The following DISP1 variants were observed in gnomAD, a reference collection of about 807,000 sequenced individuals.
The protein encoded by DISP1 is protein dispatched homolog 1.
DISP1 carries 30 observed loss-of-function variants against 37.3 expected under a neutral mutation model. The ratio of observed to expected loss-of-function variants is 0.80; its 90% CI spans 0.60 to 1.09. DISP1 has a LOEUF of 1.09. Among genes scored for constraint, DISP1 ranks in the 50% least tolerant of loss-of-function variants. The probability of loss-of-function intolerance (pLI) is 0.00; values close to 1 mark genes in which losing one functional copy is unlikely to be tolerated. For missense variants in DISP1, 1,598 were observed against 1,879.5 expected, an observed-to-expected ratio of 0.85 and a Z score of 2.77; for synonymous variants, 634 against 690.2, an observed-to-expected ratio of 0.92 and a Z score of 1.28.
intron 1 of DISP1, among the ~76,000 whole-genome samples, chr1:222,886,601 C>G (rs1572427100): frequency 6.6e-6 from 1 of 152,318 alleles, no homozygotes; most frequent in Non-Finnish European, 1.5e-5. Context: ...TTTGAAGTTC[C>G]TTAACTTGCA....
chr1:222,978,978 G>C (rs1253983499), intron 3 of DISP1, among the ~76,000 whole-genome samples: 1 of 151,976 alleles, frequency 6.6e-6, no homozygotes, highest in African/African-American at 2.4e-5. Flanking sequence ...TTGTTCTTTT[G>C]GCTTAGGATT....
At chr1:222,986,052 G>C (rs183763668) in intron 4 of DISP1, among the ~76,000 whole-genome samples, 18 of 152,282 alleles carry the variant, frequency 1.2e-4, no homozygotes, top group Admixed American at 6.5e-4. Context: ...TTTTTAGGAA[G>C]AAAGAGGTAG....
intron 3 of DISP1, chr1:222,979,498 G>A: frequency 2.7e-6 from 1 of 368,236 alleles, no homozygotes; most frequent in Non-Finnish European, 5.8e-6. Context: ...TGAAAACATG[G>A]AATTGTACAC....
At position 223,003,884 on chromosome 1, in the gene DISP1, C is replaced by A; in HGVS notation, c.2487C>A (p.His829Gln). 1 of 1,614,152 alleles carries A rather than the reference C, an allele frequency of 6.2e-7. No individual in the cohort carries two copies. The highest frequency in any genetic ancestry group is 8.5e-7 in the Non-Finnish European group (1 of 1,180,038). Residue 829 changes from histidine to glutamine, a missense_variant, in exon 9 of 9, where the codon CAC (histidine) becomes CAA (glutamine). Physicochemically the swap from His to Gln is conservative, Grantham distance 24. Transcript: ENST00000675850. This position sits in a 1 kb window ranked among gnomAD's most constrained non-coding sequence, Gnocchi z 4.3. ...CAGCTTCCCAGGCCTGGATTTTGCACTTCTGTCAAAAACTGAGAAACCAAA... is the reference window on the plus strand; with the variant it reads ...CAGCTTCCCAGGCCTGGATTTTGCAATTCTGTCAAAAACTGAGAAACCAAA... Reference protein sequence around the residue: ...ASPASQAWILHFCQKLRNQTF... With the variant: ...ASPASQAWILQFCQKLRNQTF...
intron 1 of DISP1, among the ~76,000 whole-genome samples, chr1:222,848,945 G>A (rs1558291099): frequency 6.6e-6 from 1 of 152,044 alleles, no homozygotes. Context: ...GTGCTTGATT[G>A]TACCTCACCA....
At chr1:222,825,846 T>C (rs1664247753) in intron 1 of DISP1, among the ~76,000 whole-genome samples, 1 of 152,136 alleles carries the variant, frequency 6.6e-6, no homozygotes, top group Admixed American at 6.6e-5. Context: ...CCCAGCCTCC[T>C]CACCCCCTCA....
intron 2 of DISP1, among the ~76,000 whole-genome samples, chr1:222,930,949 G>T (rs962468636): frequency 1.3e-5 from 2 of 151,960 alleles, no homozygotes; most frequent in African/African-American, 4.8e-5. Flanking sequence ...GTAGACTAAA[G>T]GATACTCATA....
rs141143944 is a variant in DISP1 at position 222,935,111 on chromosome 1, A to G, written c.-18+6541A>G. Among the ~76,000 whole-genome samples, 5 of 152,254 alleles carry G rather than the reference A, an allele frequency of 3.3e-5. No individual in the cohort carries two copies. In the East Asian group the frequency reaches 9.6e-4, roughly 29 times the overall value. On this transcript the variant is annotated intron_variant, in intron 2 of 8. Coordinates refer to ENST00000675850, the MANE Select transcript of DISP1 (RefSeq NM_001377229.1). Reference sequence around the variant, plus strand: ...TGTGTTCTAGGTATCAGCAGTATGGACATGTTGTTGGAGGCTTGTTGCTCC... The same window carrying G: ...TGTGTTCTAGGTATCAGCAGTATGGGCATGTTGTTGGAGGCTTGTTGCTCC...
chr1:222,990,086 G>T (rs1211194051), intron 4 of DISP1, among the ~76,000 whole-genome samples: 2 of 152,196 alleles, frequency 1.3e-5, no homozygotes, highest in African/African-American at 2.4e-5. Flanking sequence ...ACAGGTGTGA[G>T]CCACCATGCT....
At chr1:222,850,632 CTTCT>C (rs1558292139) in intron 1 of DISP1, among the ~76,000 whole-genome samples, 3 of 152,058 alleles carry the variant, frequency 2.0e-5, no homozygotes, top group African/African-American at 7.2e-5. Flanking sequence ...CTGTTGTTTC[CTTCT>C]TTGTGTTCAT....
rs1378979703 is a variant in DISP1 at position 222,994,872 on chromosome 1, T to C, written c.890-13T>C. 6.3e-7 allele frequency: 1 copy of C among 1,582,170 alleles called. No homozygotes were observed. Among genetic ancestry groups the C allele is most frequent in the East Asian group, 2.2e-5 (1 of 44,658 alleles). ...TAAACCTTTTTCTTTCCTTTTTTTT[T>C]TCATATCACCAGGTGACCGATATTC... On this transcript the variant is annotated splice_polypyrimidine_tract_variant and intron_variant, in intron 7 of 8. Coordinates refer to ENST00000675850, the MANE Select transcript of DISP1 (RefSeq NM_001377229.1).
At chr1:222,947,821 A>T (rs1373661551) in intron 3 of DISP1, among the ~76,000 whole-genome samples, 3 of 152,174 alleles carry the variant, frequency 2.0e-5, no homozygotes, top group African/African-American at 7.2e-5. Flanking sequence ...CATCGTTTGC[A>T]TTGTGGAGAG....
intron 3 of DISP1, among the ~76,000 whole-genome samples, chr1:222,980,875 C>T (rs1320059193): frequency 6.6e-6 from 1 of 152,134 alleles, no homozygotes; most frequent in Non-Finnish European, 1.5e-5. Context: ...GTCAGGAGTT[C>T]GAGGCCAGCC....
intron 1 of DISP1, among the ~76,000 whole-genome samples, chr1:222,870,192 T>A (rs1437384224): frequency 2.0e-5 from 3 of 152,166 alleles, no homozygotes; most frequent in Non-Finnish European, 2.9e-5. Flanking sequence ...TCTATCATTG[T>A]TGGACATTTG....
At chr1:222,921,528 G>C (rs1672808610) in intron 1 of DISP1, among the ~76,000 whole-genome samples, 1 of 152,142 alleles carries the variant, frequency 6.6e-6, no homozygotes, top group Admixed American at 6.5e-5. Context: ...ACTGAGAAAA[G>C]GGTGAAAGCT....
At chr1:222,914,959 T>C (rs572347375) in intron 1 of DISP1, among the ~76,000 whole-genome samples, 1 of 152,190 alleles carries the variant, frequency 6.6e-6, no homozygotes, top group East Asian at 1.9e-4. Context: ...AGAGCAAGAC[T>C]CTGTCATTCA....
chr1:222,825,259 C>T (rs1398857457), intron 1 of DISP1, among the ~76,000 whole-genome samples: 1 of 152,058 alleles, frequency 6.6e-6, no homozygotes, highest in Admixed American at 6.6e-5. Context: ...GTGTTACTTT[C>T]CCAGAAACTG....
At chr1:222,838,725 T>C (rs1016338361) in intron 1 of DISP1, among the ~76,000 whole-genome samples, 3 of 152,220 alleles carry the variant, frequency 2.0e-5, no homozygotes, top group Non-Finnish European at 4.4e-5. Context: ...GAGCTATGAT[T>C]GTGCCACTGC....
intron 1 of DISP1, among the ~76,000 whole-genome samples, chr1:222,822,521 T>G (rs1663187355): frequency 6.6e-6 from 1 of 152,218 alleles, no homozygotes; most frequent in African/African-American, 2.4e-5. Flanking sequence ...TTCCTGTAAT[T>G]CCAACTGTTT....
Sources: gnomAD v4.1 joint callset for allele counts (sites outside exome capture counted in the v4.1 genomes callset) on GRCh38, gnomAD v4.1.1 for gene constraint, Gnocchi (gnomAD v3.1) non-coding constraint, MANE v1.5 for transcripts, NCBI Gene and HGNC (gene_info 2026-07-23, HGNC 2026-07-21) for gene names.